Variants in FHIT observed in about 807,000 individuals in gnomAD.
FHIT encodes the protein bis(5'-adenosyl)-triphosphatase.
Under a neutral mutation model 17.9 loss-of-function variants are expected in FHIT, and 19 were observed. The observed-to-expected ratio is 1.06, with a 90% CI of 0.74 to 1.56. FHIT has a LOEUF of 1.56. FHIT is among the 40% of genes most tolerant of loss of function. FHIT has a pLI of 0.00. For synonymous variants in FHIT, 81 were observed against 69.7 expected, an observed-to-expected ratio of 1.16 and a Z score of -0.81; for missense variants, 248 against 189.2, an observed-to-expected ratio of 1.31 and a Z score of -1.82.
At chr3:60,524,197 G>GACACACACACACACAC (rs56975783) in intron 5 of FHIT, among the ~76,000 whole-genome samples, 1 of 144,884 alleles carries the variant, frequency 6.9e-6, no homozygotes, top group African/African-American at 2.6e-5. Context: ...GTCAGCCTGA[G>GACACACACACACACAC]ACACACACAC....
At chr3:60,094,985 C>A (rs987482696) in intron 5 of FHIT, among the ~76,000 whole-genome samples, 37 of 152,140 alleles carry the variant, frequency 2.4e-4, no homozygotes, top group African/African-American at 8.4e-4. Context: ...TGATCAGAAG[C>A]AGGGAATTAT....
chr3:60,340,920 G>A lies in FHIT; in HGVS notation c.103+195940C>T, dbSNP rs199870204. On this transcript the variant is annotated intron_variant, in intron 5 of 9. Coordinates refer to ENST00000492590, the MANE Select transcript of FHIT (RefSeq NM_002012.4). Reference sequence around the variant, plus strand: ...TAGGCCAGGCTGGTCTCTAACTCCTGACCTTGTGATGCGCCCATCTCAGCC... The same window carrying A: ...TAGGCCAGGCTGGTCTCTAACTCCTAACCTTGTGATGCGCCCATCTCAGCC... Among the ~76,000 whole-genome samples the A allele has an allele frequency of 2.4e-4, 37 of 152,270 alleles. No homozygotes were observed. In the East Asian group the frequency reaches 6.2e-3, roughly 26 times the overall value.
intron 3 of FHIT, among the ~76,000 whole-genome samples, chr3:60,886,878 A>G (rs1705248011): frequency 6.6e-6 from 1 of 152,208 alleles, no homozygotes; most frequent in African/African-American, 2.4e-5. Flanking sequence ...GTCATAATAC[A>G]TTAGCAACCT....
chr3:60,943,889 A>C (rs1323982137), intron 3 of FHIT, among the ~76,000 whole-genome samples: 2 of 152,160 alleles, frequency 1.3e-5, no homozygotes, highest in African/African-American at 4.8e-5. Context: ...CTTTACCTAT[A>C]ACATGAAAAT....
chr3:60,545,963 G>C (rs2036346478), intron 4 of FHIT, among the ~76,000 whole-genome samples: 1 of 152,048 alleles, frequency 6.6e-6, no homozygotes, highest in African/African-American at 2.4e-5. Flanking sequence ...ATTGTTTTCT[G>C]TACCTCAAAG....
intron 8 of FHIT, among the ~76,000 whole-genome samples, chr3:59,778,533 G>A (rs949668861): frequency 6.6e-6 from 1 of 152,176 alleles, no homozygotes; most frequent in African/African-American, 2.4e-5. Context: ...TGGCTCTTCA[G>A]GCCATATGGT....
rs1399837543 is a variant in FHIT, at chr3:60,910,157, C to T, written c.-110-88146G>A. Among the ~76,000 whole-genome samples the T allele has an allele frequency of 3.3e-5, 5 of 152,300 alleles. No homozygotes were observed. The East Asian group carries it at 9.7e-4, about 29-fold the overall frequency. On this transcript the variant is annotated intron_variant, in intron 3 of 9. Transcript: ENST00000492590. ...CTCTCCGCCAGAGATAGGAATGTGACTCAATCTAACCAATCAAAATCTTCT... is the reference window on the plus strand; with the variant it reads ...CTCTCCGCCAGAGATAGGAATGTGATTCAATCTAACCAATCAAAATCTTCT...
chr3:60,474,027 T>A (rs1415164703), intron 5 of FHIT, among the ~76,000 whole-genome samples: 9 of 152,130 alleles, frequency 5.9e-5, no homozygotes, highest in Non-Finnish European at 1.3e-4. Flanking sequence ...AACCTCATAC[T>A]CAGAACTAGA....
chr3:60,515,521 T>G (rs1238050334), intron 5 of FHIT, among the ~76,000 whole-genome samples: 2 of 151,306 alleles, frequency 1.3e-5, no homozygotes, highest in South Asian at 4.2e-4. Context: ...GCTACTGTCA[T>G]AGACCTGGCT....
chr3:60,120,035 T>G (rs1705175584), intron 5 of FHIT, among the ~76,000 whole-genome samples: 1 of 152,176 alleles, frequency 6.6e-6, no homozygotes, highest in South Asian at 2.1e-4. Flanking sequence ...TTCCTGAAGC[T>G]TACGGCACTG....
At chr3:60,288,116 A>G (rs1259186668) in intron 5 of FHIT, among the ~76,000 whole-genome samples, 1 of 152,166 alleles carries the variant, frequency 6.6e-6, no homozygotes, top group Non-Finnish European at 1.5e-5. Context: ...AGGTTCACTT[A>G]CAAGGCTGGA....
At chr3:60,123,154 A>T (rs2107228377) in intron 5 of FHIT, among the ~76,000 whole-genome samples, 2 of 152,346 alleles carry the variant, frequency 1.3e-5, no homozygotes, top group South Asian at 4.1e-4. Flanking sequence ...GAAAATATAA[A>T]AAGAAGCTAT....
intron 4 of FHIT, among the ~76,000 whole-genome samples, chr3:60,629,377 T>C (rs1434832918): frequency 1.3e-5 from 2 of 152,194 alleles, no homozygotes; most frequent in Non-Finnish European, 2.9e-5. Flanking sequence ...TTTGTCATAT[T>C]CCATTACAAT....
At chr3:60,050,975 T>C (rs886744183) in intron 5 of FHIT, among the ~76,000 whole-genome samples, 1 of 152,160 alleles carries the variant, frequency 6.6e-6, no homozygotes, top group African/African-American at 2.4e-5. Context: ...CTGGGCTACA[T>C]GGAAGATAAT....
At position 61,069,651 on chromosome 3, in the gene FHIT, C is replaced by T. The variant is rs1218864576; in HGVS notation, c.-163-27552G>A. Among the ~76,000 whole-genome samples the T allele has an allele frequency of 3.9e-5, 6 of 152,118 alleles. No homozygotes were observed. In the East Asian group the frequency reaches 1.2e-3, roughly 29 times the overall value. On this transcript the variant is annotated intron_variant, in intron 2 of 9. Transcript: ENST00000492590. ...AATCTAGAGTGGCAGGCAGTACTAA[C>T]CAACTCCACATTCAAGAATAGCATC...
intron 8 of FHIT, among the ~76,000 whole-genome samples, chr3:59,763,961 C>T (rs34836199): frequency 1.4e-3 from 213 of 152,296 alleles, no homozygotes; most frequent in Middle Eastern, 3.4e-3. Flanking sequence ...TTTTCAAGCA[C>T]CTACTTTGTG....
intron 3 of FHIT, among the ~76,000 whole-genome samples, chr3:60,921,986 AG>A (rs1179179965): frequency 1.3e-5 from 2 of 152,200 alleles, no homozygotes; most frequent in Non-Finnish European, 2.9e-5. Context: ...CTAAACAGAG[AG>A]AAACTTCTCC....
At chr3:59,996,293 G>C (rs1236193039) in intron 7 of FHIT, among the ~76,000 whole-genome samples, 2 of 152,166 alleles carry the variant, frequency 1.3e-5, no homozygotes, top group East Asian at 3.9e-4. Flanking sequence ...ATGAGTGAGA[G>C]AGACATTTTG....
intron 7 of FHIT, among the ~76,000 whole-genome samples, chr3:59,942,828 T>G (rs62238353): frequency 6.6e-6 from 1 of 151,958 alleles, no homozygotes; most frequent in Non-Finnish European, 1.5e-5. Flanking sequence ...TTTAAATTAT[T>G]TGTACAGACA....
Sources: allele counts gnomAD v4.1 joint callset (sites outside exome capture counted in the v4.1 genomes callset), GRCh38; gene constraint gnomAD v4.1.1; transcripts MANE v1.5; gene names NCBI Gene and HGNC (gene_info 2026-07-23, HGNC 2026-07-21).